ST6GALNAC3: variants seen among roughly 807,000 people sequenced by gnomAD.
ST6GALNAC3 encodes ST6 N-acetylgalactosaminide alpha-2,6-sialyltransferase 3.
In ST6GALNAC3, 25 loss-of-function variants were observed where a neutral mutation model predicts 32.7. That is an observed-to-expected ratio of 0.76 (90% CI 0.56 to 1.07). ST6GALNAC3 has a LOEUF of 1.07. ST6GALNAC3 is among the 50% of genes least tolerant of loss of function. ST6GALNAC3 has a pLI of 0.00. For synonymous variants in ST6GALNAC3, 129 were observed against 133.1 expected, an observed-to-expected ratio of 0.97 and a Z score of 0.21; for missense variants, 355 against 382.4, an observed-to-expected ratio of 0.93 and a Z score of 0.60.
intron 1 of ST6GALNAC3, among the ~76,000 whole-genome samples, chr1:76,126,681 G>A (rs1205965085): frequency 6.6e-6 from 1 of 152,128 alleles, no homozygotes; most frequent in Non-Finnish European, 1.5e-5. Context: ...CTCCCTTTAT[G>A]CTGGGCAAAC....
At chr1:76,184,523 A>G (rs76329617) in intron 1 of ST6GALNAC3, among the ~76,000 whole-genome samples, 22,716 of 99,390 alleles carry the variant, frequency 0.23, 1,929 homozygotes, top group Non-Finnish European at 0.27. Flanking sequence ...TGGGCAGCAC[A>G]CACACACACA....
chr1:76,134,525 A>G (rs1372734092), intron 1 of ST6GALNAC3, among the ~76,000 whole-genome samples: 1 of 152,230 alleles, frequency 6.6e-6, no homozygotes, highest in Admixed American at 6.5e-5. Context: ...ACCATGGGTT[A>G]GGAGACAGGT....
intron 2 of ST6GALNAC3, among the ~76,000 whole-genome samples, chr1:76,362,282 A>C (rs1278597207): frequency 2.0e-5 from 3 of 152,106 alleles, no homozygotes; most frequent in Admixed American, 6.6e-5. Flanking sequence ...GTGTTAAACT[A>C]TTCAGGAGAA....
At position 76,630,542 on chromosome 1, in the gene ST6GALNAC3, C is replaced by A; in HGVS notation, c.*1736C>A. The A allele has an allele frequency of 1.0e-6, 1 of 985,256 alleles. No individual in the cohort carries two copies. The highest frequency in any genetic ancestry group is 1.2e-6 in the Non-Finnish European group (1 of 829,832). The allele number at this position is 985,256 out of a possible 1,614,324, so 61.0% of individuals were successfully genotyped here. On this transcript the variant is annotated 3_prime_UTR_variant, in exon 5 of 5. Coordinates refer to ENST00000328299, the MANE Select transcript of ST6GALNAC3 (RefSeq NM_152996.4). The stretch of plus-strand genomic sequence containing the variant: ...TGCAGAATGATTCAAAAGACAAAAG[C>A]CAGGCTCAACTTATAGAATGTTTTG...
chr1:76,546,546 C>A (rs888367992), intron 3 of ST6GALNAC3, among the ~76,000 whole-genome samples: 1 of 152,136 alleles, frequency 6.6e-6, no homozygotes, highest in Non-Finnish European at 1.5e-5. Context: ...ATGCAAATGA[C>A]CTTTGAGACA....
At chr1:76,314,279 A>G (rs1164309984) in intron 2 of ST6GALNAC3, among the ~76,000 whole-genome samples, 1 of 152,120 alleles carries the variant, frequency 6.6e-6, no homozygotes, top group Non-Finnish European at 1.5e-5. Context: ...CAACGTACAT[A>G]TCTCTCCATT....
chr1:76,090,154 A>G lies in ST6GALNAC3; in HGVS notation c.18+15270A>G, dbSNP rs180706111. Among the ~76,000 whole-genome samples, 4 of 152,286 alleles carry G rather than the reference A, an allele frequency of 2.6e-5. No homozygotes were observed. The East Asian group carries it at 5.8e-4, about 22-fold the overall frequency. ...CTTGCTTTTAACCATCTGGTCTTCTACCTCTGTAGAGGAGAGAATCATTTA... is the reference window on the plus strand; with the variant it reads ...CTTGCTTTTAACCATCTGGTCTTCTGCCTCTGTAGAGGAGAGAATCATTTA... On this transcript the variant is annotated intron_variant, in intron 1 of 4. Coordinates refer to ENST00000328299, the MANE Select transcript of ST6GALNAC3 (RefSeq NM_152996.4).
intron 2 of ST6GALNAC3, among the ~76,000 whole-genome samples, chr1:76,318,138 G>T: frequency 6.6e-6 from 1 of 151,902 alleles, no homozygotes; most frequent in Non-Finnish European, 1.5e-5. Flanking sequence ...GGAGAGATGT[G>T]GTTTTGCTTA....
intron 1 of ST6GALNAC3, among the ~76,000 whole-genome samples, chr1:76,274,827 AAC>A (rs1659044062): frequency 6.6e-6 from 1 of 152,178 alleles, no homozygotes; most frequent in African/African-American, 2.4e-5. Context: ...ACCTTTCACC[AAC>A]AGTTTGTTAC....
intron 1 of ST6GALNAC3, among the ~76,000 whole-genome samples, chr1:76,195,238 C>G (rs1654134043): frequency 6.6e-6 from 1 of 152,142 alleles, no homozygotes; most frequent in South Asian, 2.1e-4. Flanking sequence ...CTGCCAACTG[C>G]CCACATATAA....
At chr1:76,316,203 T>G (rs2100905329) in intron 2 of ST6GALNAC3, among the ~76,000 whole-genome samples, 1 of 152,184 alleles carries the variant, frequency 6.6e-6, no homozygotes, top group East Asian at 1.9e-4. Flanking sequence ...TAATACCCAC[T>G]TTGGAAAAAA....
intron 1 of ST6GALNAC3, among the ~76,000 whole-genome samples, chr1:76,254,881 AG>A (rs1174823637): frequency 6.6e-6 from 1 of 152,106 alleles, no homozygotes; most frequent in Admixed American, 6.6e-5. Context: ...CAACTTGAGC[AG>A]GAACAATGAA....
At chr1:76,391,770 C>A (rs1473284376) in intron 2 of ST6GALNAC3, among the ~76,000 whole-genome samples, 5 of 152,106 alleles carry the variant, frequency 3.3e-5, no homozygotes, top group Non-Finnish European at 2.9e-5. Flanking sequence ...AGAAAATTTT[C>A]TGCTTCATCA....
chr1:76,303,434 T>C (rs1042418057), intron 1 of ST6GALNAC3, among the ~76,000 whole-genome samples: 2 of 152,032 alleles, frequency 1.3e-5, no homozygotes. Context: ...GAAACGGCCT[T>C]AGGTTCCCTG....
intron 1 of ST6GALNAC3, among the ~76,000 whole-genome samples, chr1:76,100,565 T>G (rs1251487741): frequency 6.6e-6 from 1 of 152,190 alleles, no homozygotes; most frequent in Non-Finnish European, 1.5e-5. Context: ...TTTTATATGA[T>G]GTTATATTTA....
At chr1:76,355,254 AT>A in intron 2 of ST6GALNAC3, among the ~76,000 whole-genome samples, 1 of 152,210 alleles carries the variant, frequency 6.6e-6, no homozygotes, top group East Asian at 1.9e-4. Context: ...TAAAGAAAAC[AT>A]TTTATTTATT....
At chr1:76,407,415 A>C (rs557285148) in intron 2 of ST6GALNAC3, among the ~76,000 whole-genome samples, 169 of 152,192 alleles carry the variant, frequency 1.1e-3, no homozygotes, top group African/African-American at 3.9e-3. Flanking sequence ...ACTTTTGCAG[A>C]GGAAAAAAAT....
chr1:76,468,847 A>G (rs1376486903), intron 3 of ST6GALNAC3, among the ~76,000 whole-genome samples: 1 of 152,054 alleles, frequency 6.6e-6, no homozygotes, highest in African/African-American at 2.4e-5. Flanking sequence ...TTAGGTAAAT[A>G]CTTATGAAGT....
intron 3 of ST6GALNAC3, among the ~76,000 whole-genome samples, chr1:76,444,119 C>T (rs191207748): frequency 6.6e-6 from 1 of 152,212 alleles, no homozygotes; most frequent in African/African-American, 2.4e-5. Context: ...CCTGGCTTTA[C>T]TGTGCCTACA....
Sources: allele counts gnomAD v4.1 joint callset (sites outside exome capture counted in the v4.1 genomes callset), GRCh38; gene constraint gnomAD v4.1.1; transcripts MANE v1.5; gene names NCBI Gene and HGNC (gene_info 2026-07-23, HGNC 2026-07-21).